The following SHOC2 variants were observed in gnomAD, a reference collection of about 807,000 sequenced individuals.
The protein encoded by SHOC2 is leucine-rich repeat protein SHOC-2.
In SHOC2, 4 loss-of-function variants were observed where a neutral mutation model predicts 50.2. That is an observed-to-expected ratio of 0.08 (90% CI 0.04 to 0.18). The LOEUF is 0.18. Ranked by LOEUF, SHOC2 falls within the 10% of genes least tolerant of loss-of-function variation. The pLI is 1.00. For synonymous variants in SHOC2, 218 were observed against 244.5 expected, an observed-to-expected ratio of 0.89 and a Z score of 1.01; for missense variants, 388 against 669.6, an observed-to-expected ratio of 0.58 and a Z score of 4.64.
intron 8 of SHOC2, among the ~76,000 whole-genome samples, chr10:111,011,232 G>T (rs1427850019): frequency 6.6e-6 from 1 of 152,090 alleles, no homozygotes; most frequent in Admixed American, 6.5e-5. Context: ...TATATAATAA[G>T]CTCACCTTTG....
At chr10:110,948,201 A>C (rs567515918) in intron 1 of SHOC2, among the ~76,000 whole-genome samples, 9 of 152,344 alleles carry the variant, frequency 5.9e-5, no homozygotes, top group African/African-American at 1.9e-4. Context: ...TACACTCAAC[A>C]TCAGAGCACC....
At chr10:111,003,279 A>T (rs1848412918) in intron 4 of SHOC2, among the ~76,000 whole-genome samples, 1 of 152,222 alleles carries the variant, frequency 6.6e-6, no homozygotes, top group Non-Finnish European at 1.5e-5. Context: ...AAAAACATAC[A>T]TACCTCATAC....
intron 8 of SHOC2, 139 bp from the exon 9 acceptor site, chr10:111,011,471 T>C: frequency 3.0e-6 from 2 of 660,322 alleles, no homozygotes; most frequent in South Asian, 3.8e-5. Flanking sequence ...TCCATGGTTG[T>C]AGAGTTTTAA....
chr10:110,926,242 C>A (rs1221348582), intron 1 of SHOC2, among the ~76,000 whole-genome samples: 1 of 152,122 alleles, frequency 6.6e-6, no homozygotes, highest in Non-Finnish European at 1.5e-5. Flanking sequence ...TTAAGATGAG[C>A]ATTGAGTATG....
intron 1 of SHOC2, among the ~76,000 whole-genome samples, chr10:110,962,616 C>A (rs1197338451): frequency 2.6e-5 from 4 of 152,196 alleles, no homozygotes; most frequent in South Asian, 4.1e-4. Context: ...CATCCTCTAC[C>A]CCAGTTCCTG....
intron 4 of SHOC2, among the ~76,000 whole-genome samples, chr10:111,004,365 T>G (rs939326491): frequency 6.6e-6 from 1 of 152,144 alleles, no homozygotes; most frequent in Admixed American, 6.5e-5. Context: ...TTGGGAAAAT[T>G]TTCTGTTTCC....
chr10:110,956,516 A>C (rs541232435), intron 1 of SHOC2, among the ~76,000 whole-genome samples: 1 of 152,164 alleles, frequency 6.6e-6, no homozygotes, highest in East Asian at 1.9e-4. Flanking sequence ...TGCTTTGCCT[A>C]ATGTCCTGTG....
chr10:110,962,331 C>G (rs1450791568), intron 1 of SHOC2, among the ~76,000 whole-genome samples: 4 of 152,148 alleles, frequency 2.6e-5, no homozygotes, highest in Non-Finnish European at 2.9e-5. Flanking sequence ...AACCCTTTAG[C>G]TATGCATATT....
At chr10:110,938,655 A>G (rs749436548) in intron 1 of SHOC2, among the ~76,000 whole-genome samples, 5 of 152,218 alleles carry the variant, frequency 3.3e-5, no homozygotes, top group East Asian at 1.9e-4. Flanking sequence ...CGAAGAACGT[A>G]TAGAACACTA....
chr10:110,931,783 T>C (rs1177976020), intron 1 of SHOC2, among the ~76,000 whole-genome samples: 1 of 152,176 alleles, frequency 6.6e-6, no homozygotes, highest in African/African-American at 2.4e-5. Context: ...GAATGGCAGA[T>C]AAAGCCAAAT....
rs1451759181 is a variant in SHOC2, at chr10:111,009,840, C to T, written c.1540+10C>T. The T allele has an allele frequency of 7.3e-7, 1 of 1,364,788 alleles. No homozygotes were observed. The highest frequency in any genetic ancestry group is 1.0e-6 in the Non-Finnish European group (1 of 952,614). The allele number at this position is 1,364,788 out of a possible 1,614,324, so 84.5% of individuals were successfully genotyped here. ...CTTCCTGAAGAAATTGGTATGAACC[C>T]TGTGAATGCTTGACTCTGTACTAAT... On this transcript the variant is annotated intron_variant, in intron 8 of 8. Coordinates refer to ENST00000369452, the MANE Select transcript of SHOC2 (RefSeq NM_007373.4).
rs111900485 is a variant in SHOC2 at position 110,987,491 on chromosome 10, A to T, written c.841+1726A>T. Among the ~76,000 whole-genome samples the T allele has an allele frequency of 3.9e-5, 6 of 152,290 alleles. 1 individual carries two copies. The highest frequency in any genetic ancestry group is 1.4e-4 in the African/African-American group (6 of 41,576). On this transcript the variant is annotated intron_variant, in intron 3 of 8. Transcript: ENST00000369452. ...ACTATTTGTAGTGGAAAGAGATTAC[A>T]TATTCTAGTTAACTGGTTTATGGTT...
At chr10:110,992,009 C>T (rs1848194378) in intron 3 of SHOC2, among the ~76,000 whole-genome samples, 1 of 152,218 alleles carries the variant, frequency 6.6e-6, no homozygotes, top group African/African-American at 2.4e-5. Context: ...AACTGAAAAT[C>T]AAATCTTGTA....
In SHOC2 at chr10:111,011,920, T is replaced by A; in HGVS notation, c.*102T>A. ...ATGTAGATATTGGTATATGGCAGATTTATAAAAATTGCATTATGTGTTTCT... is the reference window on the plus strand; with the variant it reads ...ATGTAGATATTGGTATATGGCAGATATATAAAAATTGCATTATGTGTTTCT... On this transcript the variant is annotated 3_prime_UTR_variant, in exon 9 of 9. Coordinates refer to ENST00000369452, the MANE Select transcript of SHOC2 (RefSeq NM_007373.4). 4 of 947,524 alleles carry A rather than the reference T, an allele frequency of 4.2e-6. No individual in the cohort carries two copies. Among genetic ancestry groups the A allele is most frequent in the Non-Finnish European group, 6.6e-6 (4 of 605,032 alleles). 58.7% of individuals were successfully genotyped at this position (947,524 alleles called of 1,614,324 possible). A position where few individuals can be genotyped will look rare whatever the true frequency, so the allele number is the denominator to read the frequency against.
chr10:110,983,960 G>A (rs1295168798), intron 2 of SHOC2, among the ~76,000 whole-genome samples: 3 of 152,150 alleles, frequency 2.0e-5, no homozygotes, highest in African/African-American at 7.2e-5. Context: ...AAATAATGCT[G>A]CCATGAACAT....
intron 1 of SHOC2, among the ~76,000 whole-genome samples, chr10:110,958,079 G>A (rs1330381302): frequency 6.6e-6 from 1 of 152,164 alleles, no homozygotes; most frequent in Non-Finnish European, 1.5e-5. Flanking sequence ...TTTTCTGCCA[G>A]TATGCTACAT....
intron 4 of SHOC2, 27 bp downstream of exon 4, chr10:111,000,572 A>G: frequency 6.3e-7 from 1 of 1,586,818 alleles, no homozygotes; most frequent in Admixed American, 1.7e-5. Context: ...AGAAAACAAG[A>G]TTTGAAATGA....
At chr10:111,011,114 A>T (rs1311032550) in intron 8 of SHOC2, among the ~76,000 whole-genome samples, 4 of 152,182 alleles carry the variant, frequency 2.6e-5, no homozygotes, top group Non-Finnish European at 2.9e-5. Context: ...ATATGTGATA[A>T]CTCTTAGTGA....
intron 1 of SHOC2, among the ~76,000 whole-genome samples, chr10:110,958,839 C>T (rs1847519501): frequency 6.6e-6 from 1 of 152,052 alleles, no homozygotes; most frequent in African/African-American, 2.4e-5. Flanking sequence ...TGTTCATCCC[C>T]AACTGCTTTC....
Sources: gnomAD v4.1 joint callset for allele counts (sites outside exome capture counted in the v4.1 genomes callset) on GRCh38, gnomAD v4.1.1 for gene constraint, MANE v1.5 for transcripts, NCBI Gene and HGNC (gene_info 2026-07-23, HGNC 2026-07-21) for gene names.